ZIC5: variants seen among roughly 807,000 people sequenced by gnomAD.
ZIC5 encodes the protein zinc finger protein ZIC 5.
ZIC5 carries 20 observed loss-of-function variants against 28.5 expected under a neutral mutation model. That is an observed-to-expected ratio of 0.70 (90% CI 0.49 to 1.02). The LOEUF is 1.02. ZIC5 is among the 50% of genes least tolerant of loss of function. ZIC5 has a pLI of 0.00. For synonymous variants in ZIC5, 488 were observed against 410.4 expected, an observed-to-expected ratio of 1.19 and a Z score of -2.29; for missense variants, 951 against 899.7, an observed-to-expected ratio of 1.06 and a Z score of -0.73.
In ZIC5 at chr13:99,971,300, C is replaced by A; in HGVS notation, c.304G>T (p.Ala102Ser). Residue 102 changes from alanine to serine, a missense_variant, in exon 1 of 2, where the codon GCC (alanine) becomes TCC (serine). Around this residue, in one of 3 missense-constraint regions of ZIC5, gnomAD observed 784 missense variants for 660.1 expected, o/e 1.19. Transcript: ENST00000267294. ...EAPAAAARAA[A>S]LVAHPGAGSY... ...CCCGCGCCGGGGTGCGCGACCAAGGCTGCAGCACGGGCGGCGGCTGCCGGA... is the reference window on the plus strand; with the variant it reads ...CCCGCGCCGGGGTGCGCGACCAAGGATGCAGCACGGGCGGCGGCTGCCGGA... 1 of 1,368,874 alleles carries A rather than the reference C, an allele frequency of 7.3e-7. No individual in the cohort carries two copies. Among genetic ancestry groups the A allele is most frequent in the Non-Finnish European group, 9.3e-7 (1 of 1,071,542 alleles). 84.8% of individuals were successfully genotyped at this position (1,368,874 alleles called of 1,614,324 possible). A position where few individuals can be genotyped will look rare whatever the true frequency, so the allele number is the denominator to read the frequency against.
At chr13:99,965,865 C>A in intron 1 of ZIC5, 46 bp from the exon 2 acceptor site, 2 of 1,552,294 alleles carry the variant, frequency 1.3e-6, no homozygotes, top group Non-Finnish European at 1.7e-6. Context: ...TCCAAGACCC[C>A]TCTCTTGACA....
rs1331347870 is a variant in ZIC5 at position 99,965,439 on chromosome 13, T to A, written c.1858A>T (p.Thr620Ser). The A allele has an allele frequency of 6.2e-7, 1 of 1,613,968 alleles. No homozygotes were observed. The highest frequency in any genetic ancestry group is 1.1e-5 in the South Asian group (1 of 91,076). Residue 620 changes from threonine (T) to serine (S), a missense_variant, in exon 2 of 2, where the codon ACC becomes TCC. Transcript: ENST00000267294. ...ATTTCCTCATCTTCAGTCTCAGAGG[T>A]GGTTCCGTTGCTGGAAGGGGTGTGG... The part of the protein sequence containing the change: ...HLHTPSSNGT[T>S]SETEDEEIYG...
rs1172420642 is a variant in ZIC5 at position 99,971,708 on chromosome 13, C to T, written c.-105G>A. On this transcript the variant is annotated 5_prime_UTR_variant, in exon 1 of 2. Coordinates refer to ENST00000267294, the MANE Select transcript of ZIC5 (RefSeq NM_033132.5). ...TTGGGCGCTCTTTAACTTCTTTTGT[C>T]CTGGCCTCTTAACTCTGCTTATTCC... is the stretch of plus-strand genomic sequence containing the variant. 1.9e-6 allele frequency: 3 copies of T among 1,550,562 alleles called. No individual in the cohort carries two copies. The highest frequency in any genetic ancestry group is 1.7e-6 in the Non-Finnish European group (2 of 1,146,768).
At position 99,965,911 on chromosome 13, in the gene ZIC5, T is replaced by C. The variant is rs532985375; in HGVS notation, c.1478-92A>G. On this transcript the variant is annotated intron_variant, in intron 1 of 1. Transcript: ENST00000267294. ...AGCAGAACCAAGGTTGTGTTTTTCC[T>C]ATTCTCCCAGAGACCAACTCCCAGC... is the stretch of plus-strand genomic sequence containing the variant. The C allele has an allele frequency of 1.2e-4, 167 of 1,368,926 alleles. 3 individuals are homozygous for C. The East Asian group carries it at 3.0e-3, about 24-fold the overall frequency. The allele number at this position is 1,368,926 out of a possible 1,614,324, so 84.8% of individuals were successfully genotyped here.
In ZIC5 at chr13:99,971,229, C is replaced by T. The variant is rs2053155435; in HGVS notation, c.375G>A (p.Ala125=). 7.8e-7 allele frequency: 1 copy of T among 1,283,574 alleles called. No individual in the cohort carries two copies. Among genetic ancestry groups the T allele is most frequent in the Non-Finnish European group, 9.8e-7 (1 of 1,023,204 alleles). 79.5% of individuals were successfully genotyped at this position (1,283,574 alleles called of 1,614,324 possible). The part of the protein sequence containing the change: ...GGGSSGAQPS[A]PPPPAPPLPP... The stretch of plus-strand genomic sequence containing the variant: ...GAAGAGGAGGGGCTGGGGGCGGGGG[C>T]GCGGAGGGCTGCGCGCCACTGCTGC... The change falls in exon 1 of 2, where the codon GCG becomes GCA. Residue 125 remains alanine (A), a synonymous_variant. Coordinates refer to ENST00000267294, the MANE Select transcript of ZIC5 (RefSeq NM_033132.5).
chr13:99,970,795 G>C lies in ZIC5; in HGVS notation c.809C>G (p.Ala270Gly), dbSNP rs2152156741. Residue 270 changes from alanine to glycine, a missense_variant, in exon 1 of 2, where the codon GCT (alanine) becomes GGT (glycine). Coordinates refer to ENST00000267294, the MANE Select transcript of ZIC5 (RefSeq NM_033132.5). ...CGGTTCGGCGCGGCCGTACAGCTCA[G>C]CCGCCGCGGCTGCCGCTGCCGCCGC... ...GLAAAAAAAAAELYGRAEPPF... is the reference protein window; with the variant it reads ...GLAAAAAAAAGELYGRAEPPF... 2 of 1,196,642 alleles carry C rather than the reference G, an allele frequency of 1.7e-6. No homozygotes were observed. Among genetic ancestry groups the C allele is most frequent in the Non-Finnish European group, 1.0e-6 (1 of 969,690 alleles). 74.1% of individuals were successfully genotyped at this position (1,196,642 alleles called of 1,614,324 possible).
chr13:99,967,142 G>A (rs945096899), intron 1 of ZIC5, among the ~76,000 whole-genome samples: 1 of 152,182 alleles, frequency 6.6e-6, no homozygotes, highest in Non-Finnish European at 1.5e-5. Context: ...CATTTCTGTG[G>A]TGACTTTTCT....
chr13:99,968,372 G>C (rs902425134), intron 1 of ZIC5, among the ~76,000 whole-genome samples: 3 of 152,182 alleles, frequency 2.0e-5, no homozygotes, highest in African/African-American at 7.2e-5. Flanking sequence ...GCAACCGTCC[G>C]CGAGACGCAG....
At position 99,964,657 on chromosome 13, in the gene ZIC5, T is replaced by C. The variant is rs2053082858; in HGVS notation, c.*720A>G. 6.6e-6 allele frequency: 1 copy of C among 152,626 alleles called. No individual in the cohort carries two copies. Among genetic ancestry groups the C allele is most frequent in the Non-Finnish European group, 1.5e-5 (1 of 68,038 alleles). The allele number at this position is 152,626 out of a possible 1,614,324, so 9.5% of individuals were successfully genotyped here. A position where few individuals can be genotyped will look rare whatever the true frequency, so the allele number is the denominator to read the frequency against. On this transcript the variant is annotated 3_prime_UTR_variant, in exon 2 of 2. Coordinates refer to ENST00000267294, the MANE Select transcript of ZIC5 (RefSeq NM_033132.5). ...ATATATTAAGGTTGCTGCATCTTTT[T>C]TTAAAATCACACAGTAGGATACTGA...
Position 99,970,358 on chromosome 13 carries a change from C to T in ZIC5, c.1246G>A (p.Glu416Lys), listed in dbSNP as rs1368188355. 1.3e-6 allele frequency: 2 copies of T among 1,595,342 alleles called. No homozygotes were observed. The highest frequency in any genetic ancestry group is 1.1e-5 in the South Asian group (1 of 90,198). ...PCSKTFGTMH[E>K]LVNHVTVEHV... Reference sequence around the variant, plus strand: ...TCCACCGTGACGTGATTCACCAGCTCGTGCATGGTGCCGAAAGTTTTGGAG... The same window carrying T: ...TCCACCGTGACGTGATTCACCAGCTTGTGCATGGTGCCGAAAGTTTTGGAG... Residue 416 changes from glutamate (E) to lysine (K), a missense_variant, in exon 1 of 2, where the codon GAG becomes AAG. This residue lies in a region of ZIC5 where 784 missense variants were observed against 660.1 expected (regional missense o/e 1.19). Coordinates refer to ENST00000267294, the MANE Select transcript of ZIC5 (RefSeq NM_033132.5).
In ZIC5 at chr13:99,970,609, G is replaced by A; in HGVS notation, c.995C>T (p.Pro332Leu). The A allele has an allele frequency of 4.9e-6, 5 of 1,012,056 alleles. No individual in the cohort carries two copies. Among genetic ancestry groups the A allele is most frequent in the Non-Finnish European group, 5.9e-6 (5 of 851,078 alleles). The allele number at this position is 1,012,056 out of a possible 1,614,324, so 62.7% of individuals were successfully genotyped here. A position where few individuals can be genotyped will look rare whatever the true frequency, so the allele number is the denominator to read the frequency against. Residue 332 changes from proline to leucine, a missense_variant, in exon 1 of 2, where the codon CCG becomes CTG. This residue lies in a region of ZIC5 where 784 missense variants were observed against 660.1 expected (regional missense o/e 1.19). Coordinates refer to ENST00000267294, the MANE Select transcript of ZIC5 (RefSeq NM_033132.5). ...CGGCGGCGGCGGCGGCGCCGGGGGC[G>A]GCGCGTGGTGCTGCAGGTGGGGCCC... is the stretch of plus-strand genomic sequence containing the variant. ...GPGPHLQHHAPPPAPPPPPAP... is the reference protein window; with the variant it reads ...GPGPHLQHHALPPAPPPPPAP...
chr13:99,970,647 T>G lies in ZIC5; in HGVS notation c.957A>C (p.Ala319=). Residue 319 remains alanine, a synonymous_variant, in exon 1 of 2, where the codon GCA becomes GCC. Transcript: ENST00000267294. ...NLNLAAAAAA[A]AAGPGPHLQH... ...GCAGGTGGGGCCCGGGCCCGGCCGC[T>G]GCTGCGGCCGCCGCAGCCGCCAGGT... The G allele has an allele frequency of 8.8e-7, 1 of 1,133,966 alleles. No individual in the cohort carries two copies. The highest frequency in any genetic ancestry group is 1.1e-6 in the Non-Finnish European group (1 of 920,434). The allele number at this position is 1,133,966 out of a possible 1,614,324, so 70.2% of individuals were successfully genotyped here.
Position 99,965,664 on chromosome 13 carries a change from T to G in ZIC5, c.1633A>C (p.Arg545=). Residue 545 remains arginine, a synonymous_variant, in exon 2 of 2, where the codon AGG becomes CGG. Coordinates refer to ENST00000267294, the MANE Select transcript of ZIC5 (RefSeq NM_033132.5). The stretch of plus-strand genomic sequence containing the variant: ...TTGCAGTGAATCTTCATGTGCTTCC[T>G]CAGGGAGCTTGGGTGAGTGTAGGAT... The part of the protein sequence containing the change: ...DKSYTHPSSL[R]KHMKIHCKSP... The G allele has an allele frequency of 6.2e-7, 1 of 1,614,228 alleles. No homozygotes were observed. The highest frequency in any genetic ancestry group is 8.5e-7 in the Non-Finnish European group (1 of 1,180,036).
chr13:99,970,837 T>C lies in ZIC5; in HGVS notation c.767A>G (p.Gln256Arg). Residue 256 changes from glutamine (Q) to arginine (R), a missense_variant, in exon 1 of 2, where the codon CAG becomes CGG. Coordinates refer to ENST00000267294, the MANE Select transcript of ZIC5 (RefSeq NM_033132.5). ...PGGHPHPLNG[Q>R]MRLGLAAAAA... is the part of the protein sequence containing the mutation. Reference sequence around the variant, plus strand: ...TGCCGCCGCCAGCCCCAGGCGCATCTGGCCGTTGAGCGGGTGCGGGTGGCC... The same window carrying C: ...TGCCGCCGCCAGCCCCAGGCGCATCCGGCCGTTGAGCGGGTGCGGGTGGCC... 8.1e-7 allele frequency: 1 copy of C among 1,241,502 alleles called. No homozygotes were observed. Among genetic ancestry groups the C allele is most frequent in the Non-Finnish European group, 1.0e-6 (1 of 999,172 alleles). The allele number at this position is 1,241,502 out of a possible 1,614,324, so 76.9% of individuals were successfully genotyped here.
At chr13:99,966,624 C>T (rs1325821395) in intron 1 of ZIC5, among the ~76,000 whole-genome samples, 1 of 152,152 alleles carries the variant, frequency 6.6e-6, no homozygotes, top group East Asian at 1.9e-4. Context: ...CAGAACCTAC[C>T]TTTACTTTAT....
chr13:99,969,484 CAGAAGA>C (rs68136751), intron 1 of ZIC5, among the ~76,000 whole-genome samples: 2 of 151,172 alleles, frequency 1.3e-5, no homozygotes, highest in African/African-American at 2.4e-5. Context: ...GAGACGCACG[CAGAAGA>C]AGGTGTGCGT....
chr13:99,971,242 G>A lies in ZIC5; in HGVS notation c.362C>T (p.Ala121Val), dbSNP rs1240007251. ...SYPCGGGSSG[A>V]QPSAPPPPAP... ...TGGGGGCGGGGGCGCGGAGGGCTGC[G>A]CGCCACTGCTGCCCCCGCCGCAGGG... The change falls in exon 1 of 2, where the codon GCG (alanine) becomes GTG (valine). Residue 121 changes from alanine to valine, a missense_variant. Physicochemically the swap from Ala to Val is moderately conservative, Grantham distance 64. Around this residue, in one of 3 missense-constraint regions of ZIC5, gnomAD observed 784 missense variants for 660.1 expected, o/e 1.19. Transcript: ENST00000267294. 1 of 1,314,816 alleles carries A rather than the reference G, an allele frequency of 7.6e-7. No individual in the cohort carries two copies. The highest frequency in any genetic ancestry group is 1.6e-5 in the African/African-American group (1 of 64,438). 81.4% of individuals were successfully genotyped at this position (1,314,816 alleles called of 1,614,324 possible). A position where few individuals can be genotyped will look rare whatever the true frequency, so the allele number is the denominator to read the frequency against.
chr13:99,965,933 C>T, intron 1 of ZIC5, 114 bp from the exon 2 acceptor site: 2 of 1,062,608 alleles, frequency 1.9e-6, no homozygotes, highest in Admixed American at 2.6e-5. Flanking sequence ...GACCAACTCC[C>T]AGCCTAATTC....
At position 99,971,077 on chromosome 13, in the gene ZIC5, CG is replaced by C; in HGVS notation, c.526del (p.Arg176GlyfsTer131). ...GKGHSRDFVLRRDLSATAPAA... is the reference protein window; with the variant it reads ...GKGHSRDFVLXRDLSATAPAA... Reference sequence around the variant, plus strand: ...GGGGGCCGTGGCGGAAAGGTCCCTCCGGAGGACGAAGTCCCTGCTGTGGCCT... The same window carrying C: ...GGGGGCCGTGGCGGAAAGGTCCCTCCGAGGACGAAGTCCCTGCTGTGGCCT... On this transcript the variant is annotated frameshift_variant, in exon 1 of 2. Coordinates refer to ENST00000267294, the MANE Select transcript of ZIC5 (RefSeq NM_033132.5). LOFTEE classifies it high-confidence loss of function. 1 of 1,431,352 alleles carries C rather than the reference CG, an allele frequency of 7.0e-7. No homozygotes were observed. The highest frequency in any genetic ancestry group is 9.1e-7 in the Non-Finnish European group (1 of 1,103,240). 88.7% of individuals were successfully genotyped at this position (1,431,352 alleles called of 1,614,324 possible).
Sources: allele counts gnomAD v4.1 joint callset (sites outside exome capture counted in the v4.1 genomes callset), GRCh38; gene constraint gnomAD v4.1.1; regional missense constraint gnomAD v4.1.1; transcripts MANE v1.5; gene names NCBI Gene and HGNC (gene_info 2026-07-23, HGNC 2026-07-21).